MBD3: variants seen among roughly 807,000 people sequenced by gnomAD.
MBD3 encodes methyl-CpG binding domain protein 3.
A neutral mutation model predicts 31.2 loss-of-function variants in MBD3; 13 were observed. That is an observed-to-expected ratio of 0.42 (90% CI 0.27 to 0.66). The LOEUF (loss-of-function observed/expected upper bound fraction) is 0.66. Among genes scored for constraint, MBD3 ranks in the 30% least tolerant of loss-of-function variants. The probability of loss-of-function intolerance (pLI) is 0.26; values close to 1 mark genes in which losing one functional copy is unlikely to be tolerated. For missense variants in MBD3, 440 were observed against 426.5 expected (o/e 1.03, Z -0.28); for synonymous variants, 223 against 187.4 (o/e 1.19, Z -1.55).
chr19:1,592,022 C>G (rs1259993079), intron 1 of MBD3: 1 of 152,300 alleles, frequency 6.6e-6, no homozygotes, highest in Non-Finnish European at 1.5e-5. Flanking sequence ...GACCAGTCAC[C>G]CTGAGGCGCT....
Position 1,584,521 on chromosome 19 carries a change from C to G in MBD3, c.408+19G>C. 6.2e-7 allele frequency: 1 copy of G among 1,611,918 alleles called. No individual in the cohort carries two copies. Among genetic ancestry groups the G allele is most frequent in the South Asian group, 1.1e-5 (1 of 91,070 alleles). ...ACAACCCGGCCGGGAAGGCTGGGGT[C>G]GCTGTGCGTTGAGCTCACCTGGCGC... is the stretch of plus-strand genomic sequence containing the variant. On this transcript the variant is annotated intron_variant, in intron 3 of 6. Transcript: ENST00000434436.
chr19:1,573,683 G>A lies in MBD3; in HGVS notation c.*4481C>T, dbSNP rs1915026663. On this transcript the variant is annotated 3_prime_UTR_variant, in exon 7 of 7. Transcript: ENST00000434436. ...TAACTGGAAATATCTTCAAATGAACGGCCGTGAGCGTGGTTATTTTGGTAA... is the reference window on the plus strand; with the variant it reads ...TAACTGGAAATATCTTCAAATGAACAGCCGTGAGCGTGGTTATTTTGGTAA... The A allele has an allele frequency of 6.6e-6, 1 of 152,120 alleles. No homozygotes were observed. The highest frequency in any genetic ancestry group is 2.1e-4 in the South Asian group (1 of 4,832). The allele number at this position is 152,120 out of a possible 1,614,324, so 9.4% of individuals were successfully genotyped here. A position where few individuals can be genotyped will look rare whatever the true frequency, so the allele number is the denominator to read the frequency against.
At chr19:1,584,010 CG>C (rs1266169495) in intron 3 of MBD3, among the ~76,000 whole-genome samples, 1 of 151,582 alleles carries the variant, frequency 6.6e-6, no homozygotes, top group East Asian at 1.9e-4. Context: ...TTAGTAGAGA[CG>C]GGGTTTCACC....
At chr19:1,588,554 G>A (rs1348255464) in intron 1 of MBD3, among the ~76,000 whole-genome samples, 1 of 152,058 alleles carries the variant, frequency 6.6e-6, no homozygotes, top group Non-Finnish European at 1.5e-5. Flanking sequence ...GGCTGAGGTG[G>A]GTGGATTGCC....
chr19:1,585,007 G>A lies in MBD3; in HGVS notation c.270+48C>T, dbSNP rs777514513. The A allele has an allele frequency of 1.4e-5, 23 of 1,601,970 alleles. No individual in the cohort carries two copies. The highest frequency in any genetic ancestry group is 8.4e-5 in the Admixed American group (5 of 59,824). On this transcript the variant is annotated intron_variant, in intron 2 of 6. Coordinates refer to ENST00000434436, the MANE Select transcript of MBD3 (RefSeq NM_001281453.2). The surrounding 1 kb of genome is among the most constrained non-coding windows in gnomAD (Gnocchi z 4.1). ...CAGCTCACGTCATGGCCGCGTCCCC[G>A]CCTAGAACGCCCCGCGCCGACGTCA...
chr19:1,590,926 C>G (rs1405521249), intron 1 of MBD3, among the ~76,000 whole-genome samples: 2 of 152,208 alleles, frequency 1.3e-5, no homozygotes, highest in African/African-American at 4.8e-5. Context: ...AAATCTCTAG[C>G]CTGTAGAGGA....
intron 1 of MBD3, among the ~76,000 whole-genome samples, chr19:1,591,273 C>T (rs2060702261): frequency 6.6e-6 from 1 of 152,204 alleles, no homozygotes; most frequent in African/African-American, 2.4e-5. Flanking sequence ...CCAAGTTTCC[C>T]CTCTCTTGCT....
chr19:1,589,840 A>C (rs1026919042), intron 1 of MBD3, among the ~76,000 whole-genome samples: 2 of 152,134 alleles, frequency 1.3e-5, no homozygotes, highest in African/African-American at 4.8e-5. Flanking sequence ...TCTCACAATG[A>C]ATAAATGAAT....
chr19:1,579,589 C>T (rs1445344862), intron 5 of MBD3, among the ~76,000 whole-genome samples: 6 of 152,232 alleles, frequency 3.9e-5, no homozygotes, highest in Non-Finnish European at 7.4e-5. Context: ...CCCCTGCCTC[C>T]GGGGTCTCTC....
At chr19:1,584,104 C>T (rs984689836) in intron 3 of MBD3, among the ~76,000 whole-genome samples, 4 of 152,216 alleles carry the variant, frequency 2.6e-5, no homozygotes, top group South Asian at 4.1e-4. Flanking sequence ...GGATTACAGG[C>T]GTGAGTCACC....
intron 2 of MBD3, 41 bp from the exon 3 acceptor site, chr19:1,584,718 C>T (rs764181680): frequency 3.1e-5 from 50 of 1,593,254 alleles, no homozygotes; most frequent in Non-Finnish European, 4.0e-5. Context: ...GGGGGCGCCC[C>T]GGCGGCGCGG....
In MBD3 at chr19:1,584,936, G is replaced by A. The variant is rs994323252; in HGVS notation, c.270+119C>T. On this transcript the variant is annotated intron_variant, in intron 2 of 6. Transcript: ENST00000434436. ...CTGCGCCTTCCGCTCTGTGCCCTCCGCCCGCTGTGACCTCCTGCGCTCAGG... is the reference window on the plus strand; with the variant it reads ...CTGCGCCTTCCGCTCTGTGCCCTCCACCCGCTGTGACCTCCTGCGCTCAGG... 17 of 1,399,202 alleles carry A rather than the reference G, an allele frequency of 1.2e-5. No homozygotes were observed. The African/African-American group carries it at 2.3e-4, about 19-fold the overall frequency. 86.7% of individuals were successfully genotyped at this position (1,399,202 alleles called of 1,614,324 possible). A position where few individuals can be genotyped will look rare whatever the true frequency, so the allele number is the denominator to read the frequency against.
rs1352472199 is a variant in MBD3, at chr19:1,576,254, T to C, written c.*1910A>G. On this transcript the variant is annotated 3_prime_UTR_variant, in exon 7 of 7. Transcript: ENST00000434436. The stretch of plus-strand genomic sequence containing the variant: ...TCCAGAAAGCAGCTTCCAGTGGCCA[T>C]GGCTAGTGAGCTGAAGTCCAGGGTC... The C allele has an allele frequency of 6.6e-6, 1 of 152,318 alleles. No individual in the cohort carries two copies. The highest frequency in any genetic ancestry group is 1.9e-4 in the East Asian group (1 of 5,192). The allele number at this position is 152,318 out of a possible 1,614,324, so 9.4% of individuals were successfully genotyped here. A position where few individuals can be genotyped will look rare whatever the true frequency, so the allele number is the denominator to read the frequency against.
At chr19:1,591,961 C>T (rs1427618958) in intron 1 of MBD3, 1 of 152,182 alleles carries the variant, frequency 6.6e-6, no homozygotes, top group Non-Finnish European at 1.5e-5. Flanking sequence ...GACCAGAGGC[C>T]TCGGAAGGAG....
Position 1,587,160 on chromosome 19 carries a change from T to C in MBD3, c.111-1946A>G, listed in dbSNP as rs1162144604. On this transcript the variant is annotated intron_variant, in intron 1 of 6. Transcript: ENST00000434436. ...TTTTATATTTTTAGTAGAGGTGGGG[T>C]TTCACAGTGTTAGCCAGGATGGTCG... is the stretch of plus-strand genomic sequence containing the variant. Among the ~76,000 whole-genome samples the C allele has an allele frequency of 6.6e-5, 10 of 151,234 alleles. No individual in the cohort carries two copies. In the East Asian group the frequency reaches 1.7e-3, roughly 26 times the overall value.
chr19:1,583,047 T>C (rs903568957), intron 3 of MBD3, among the ~76,000 whole-genome samples: 1 of 151,056 alleles, frequency 6.6e-6, no homozygotes, highest in African/African-American at 2.4e-5. Flanking sequence ...CTACTAAAAA[T>C]ACAAAAAAAA....
intron 4 of MBD3, among the ~76,000 whole-genome samples, chr19:1,582,384 A>T (rs150653774): frequency 6.6e-6 from 1 of 152,268 alleles, no homozygotes; most frequent in Non-Finnish European, 1.5e-5. Context: ...CCACACCTGG[A>T]AGCCACAAAG....
Position 1,592,574 on chromosome 19 carries a change from C to G in MBD3, c.58G>C (p.Val20Leu), listed in dbSNP as rs1377627262. 1.4e-6 allele frequency: 2 copies of G among 1,444,946 alleles called. No homozygotes were observed. The highest frequency in any genetic ancestry group is 2.3e-5 in the South Asian group (2 of 85,210). 89.5% of individuals were successfully genotyped at this position (1,444,946 alleles called of 1,614,324 possible). A position where few individuals can be genotyped will look rare whatever the true frequency, so the allele number is the denominator to read the frequency against. The stretch of plus-strand genomic sequence containing the variant: ...GCCGACAGCCCCGACCTTCTGGGCA[C>G]TTCTTCCCTCTCCCAGCCCTGCGGG... ...ALPQGWEREE[V>L]PRRSGLSAGH... Residue 20 changes from valine to leucine, a missense_variant, in exon 1 of 7, where the codon GTG (valine) becomes CTG (leucine). Coordinates refer to ENST00000434436, the MANE Select transcript of MBD3 (RefSeq NM_001281453.2).
rs1390882994 is a variant in MBD3, at chr19:1,578,553, A to G, written c.678-15T>C. Reference sequence around the variant, plus strand: ...CTTCCTGCTTCCTGGGGACACATGGACCTTGCGTTACACCAAGGTGAGCGG... The same window carrying G: ...CTTCCTGCTTCCTGGGGACACATGGGCCTTGCGTTACACCAAGGTGAGCGG... On this transcript the variant is annotated splice_polypyrimidine_tract_variant and intron_variant, in intron 5 of 6. Coordinates refer to ENST00000434436, the MANE Select transcript of MBD3 (RefSeq NM_001281453.2). This position sits in a 1 kb window ranked among gnomAD's most constrained non-coding sequence, Gnocchi z 6.1. 1 of 1,611,182 alleles carries G rather than the reference A, an allele frequency of 6.2e-7. No individual in the cohort carries two copies.
Sources: gnomAD v4.1 joint callset for allele counts (sites outside exome capture counted in the v4.1 genomes callset) on GRCh38, gnomAD v4.1.1 for gene constraint, Gnocchi (gnomAD v3.1) non-coding constraint, MANE v1.5 for transcripts, NCBI Gene and HGNC (gene_info 2026-07-23, HGNC 2026-07-21) for gene names.